The following MOB1B variants were observed in gnomAD, a reference collection of about 807,000 sequenced individuals.
The protein encoded by MOB1B is MOB1 Mps One Binder homolog B.
MOB1B carries 19 observed loss-of-function variants against 24.4 expected under a neutral mutation model. The ratio of observed to expected loss-of-function variants is 0.78; its 90% CI spans 0.54 to 1.14. The LOEUF (loss-of-function observed/expected upper bound fraction) is 1.14. Ranked by LOEUF, MOB1B falls within the 50% of genes most tolerant of loss-of-function variation. The probability of loss-of-function intolerance (pLI) is 0.00; values close to 1 mark genes in which losing one functional copy is unlikely to be tolerated. For missense variants in MOB1B, 243 were observed against 259.6 expected, an observed-to-expected ratio of 0.94 and a Z score of 0.44; for synonymous variants, 76 against 82.1, an observed-to-expected ratio of 0.93 and a Z score of 0.40.
intron 1 of MOB1B, among the ~76,000 whole-genome samples, chr4:70,934,854 A>G (rs1403052277): frequency 2.0e-5 from 3 of 151,972 alleles, no homozygotes; most frequent in Non-Finnish European, 4.4e-5. Context: ...TTTATCCTCA[A>G]ATACTCCCCC....
chr4:70,957,043 A>G (rs1302619765), intron 1 of MOB1B, among the ~76,000 whole-genome samples: 1 of 150,442 alleles, frequency 6.6e-6, no homozygotes, highest in Admixed American at 6.6e-5. Flanking sequence ...TGTAAAGTTG[A>G]GAGGAGGTAG....
chr4:70,915,057 G>A (rs568743161), intron 1 of MOB1B, among the ~76,000 whole-genome samples: 198 of 152,306 alleles, frequency 1.3e-3, no homozygotes, highest in African/African-American at 4.6e-3. Context: ...ACTTATGTGC[G>A]ACAGTGATAC....
At chr4:70,977,323 T>A (rs1739046521) in intron 4 of MOB1B, among the ~76,000 whole-genome samples, 1 of 152,174 alleles carries the variant, frequency 6.6e-6, no homozygotes, top group South Asian at 2.1e-4. Context: ...ATTTTATAGA[T>A]TGTCTTTTCA....
At chr4:70,956,516 G>T (rs905979071) in intron 1 of MOB1B, among the ~76,000 whole-genome samples, 2 of 152,078 alleles carry the variant, frequency 1.3e-5, no homozygotes, top group African/African-American at 4.8e-5. Context: ...CTGTAGCCTT[G>T]ACTTCCTGGG....
At chr4:70,937,749 C>T (rs1183867813) in intron 1 of MOB1B, among the ~76,000 whole-genome samples, 3 of 152,076 alleles carry the variant, frequency 2.0e-5, no homozygotes, top group African/African-American at 4.8e-5. Flanking sequence ...TGGTCTTGAA[C>T]TCCTGACCTC....
rs1739228189 is a variant in MOB1B, at chr4:70,982,013, C to T, written c.607C>T (p.Pro203Ser). 6.2e-7 allele frequency: 1 copy of T among 1,612,380 alleles called. No individual in the cohort carries two copies. Among genetic ancestry groups the T allele is most frequent in the Non-Finnish European group, 8.5e-7 (1 of 1,178,758 alleles). ...FNLIDRRELA[P>S]LQELIEKLTS... ...CCTTATTGATAGAAGAGAACTTGCA[C>T]CACTCCAAGAACTGATTGAAAAACT... Residue 203 changes from proline (P) to serine (S), a missense_variant, in exon 6 of 6, where the codon CCA becomes TCA. Physicochemically the swap from Pro to Ser is moderately conservative, Grantham distance 74 (BLOSUM62 -1). Coordinates refer to ENST00000309395, the MANE Select transcript of MOB1B (RefSeq NM_173468.4).
At chr4:70,908,662 C>G (rs948693799) in intron 1 of MOB1B, among the ~76,000 whole-genome samples, 1 of 151,086 alleles carries the variant, frequency 6.6e-6, no homozygotes, top group African/African-American at 2.4e-5. Context: ...GTAGTCCCAG[C>G]TACTCGGGAG....
chr4:70,939,485 C>T (rs1044847277), intron 1 of MOB1B, among the ~76,000 whole-genome samples: 8 of 152,184 alleles, frequency 5.3e-5, no homozygotes, highest in Non-Finnish European at 1.2e-4. Context: ...GAGTTCAAGA[C>T]CAGCCTGGCC....
At chr4:70,905,214 A>G (rs1365023307) in intron 1 of MOB1B, among the ~76,000 whole-genome samples, 2 of 151,572 alleles carry the variant, frequency 1.3e-5, no homozygotes, top group Admixed American at 6.6e-5. Flanking sequence ...TCTATTTGTT[A>G]TTTGGTATAA....
chr4:70,977,302 G>T (rs1032709962), intron 4 of MOB1B, among the ~76,000 whole-genome samples: 6 of 152,072 alleles, frequency 3.9e-5, no homozygotes, highest in African/African-American at 7.2e-5. Context: ...TATTGTTGAG[G>T]AGTGCATATT....
chr4:70,954,278 A>G (rs1737939119), intron 1 of MOB1B, among the ~76,000 whole-genome samples: 1 of 152,236 alleles, frequency 6.6e-6, no homozygotes, highest in East Asian at 1.9e-4. Flanking sequence ...ATATCCTCTC[A>G]TTTTGCCACT....
At chr4:70,926,861 G>A (rs991488109) in intron 1 of MOB1B, among the ~76,000 whole-genome samples, 4 of 152,030 alleles carry the variant, frequency 2.6e-5, no homozygotes, top group Admixed American at 1.3e-4. Flanking sequence ...GCCGGGCGTG[G>A]TGGTGGGCGC....
intron 1 of MOB1B, among the ~76,000 whole-genome samples, chr4:70,908,386 A>G (rs1487037545): frequency 6.7e-6 from 1 of 148,462 alleles, no homozygotes; most frequent in African/African-American, 2.5e-5. Flanking sequence ...GTATTTCTGT[A>G]TAGGAAGAAA....
intron 1 of MOB1B, among the ~76,000 whole-genome samples, chr4:70,949,500 G>T (rs780946271): frequency 4.6e-5 from 7 of 152,182 alleles, no homozygotes; most frequent in Non-Finnish European, 7.3e-5. Flanking sequence ...AAGCCAAATG[G>T]CAACATTTGG....
chr4:70,902,793 G>T (rs917154287), intron 1 of MOB1B, among the ~76,000 whole-genome samples: 3 of 152,120 alleles, frequency 2.0e-5, no homozygotes, highest in Admixed American at 1.3e-4. Context: ...CTTCCCCCCC[G>T]GCACACCCCG....
rs563007432 is a variant in MOB1B, at chr4:70,968,941, A to G, written c.182-990A>G. Among the ~76,000 whole-genome samples the G allele has an allele frequency of 5.3e-4, 81 of 152,176 alleles. 1 individual carries two copies. Among genetic ancestry groups the G allele is most frequent in the South Asian group, 1.5e-3 (7 of 4,824 alleles). On this transcript the variant is annotated intron_variant, in intron 2 of 5. Coordinates refer to ENST00000309395, the MANE Select transcript of MOB1B (RefSeq NM_173468.4). ...GCCTGGCCAGGTTTTATTTTTTCCC[A>G]TAGCAATAACCAGTTGATTCAGAAA...
In MOB1B at chr4:70,923,392, G is replaced by A. The variant is rs774330825; in HGVS notation, c.14+20842G>A. Among the ~76,000 whole-genome samples, 11 of 152,072 alleles carry A rather than the reference G, an allele frequency of 7.2e-5. No homozygotes were observed. The South Asian group carries it at 8.3e-4, about 11-fold the overall frequency. On this transcript the variant is annotated intron_variant, in intron 1 of 5. Coordinates refer to ENST00000309395, the MANE Select transcript of MOB1B (RefSeq NM_173468.4). ...GCACCGGTGCCACATGCGTAGAGAC[G>A]AAGTTTTGCCATGTTTCCCAGGCTG...
At chr4:70,971,377 C>T (rs1738744353) in intron 3 of MOB1B, among the ~76,000 whole-genome samples, 1 of 151,694 alleles carries the variant, frequency 6.6e-6, no homozygotes, top group East Asian at 1.9e-4. Context: ...TGGTGGTGTG[C>T]ATCTGTAATC....
At chr4:70,917,619 A>G (rs533462344) in intron 1 of MOB1B, among the ~76,000 whole-genome samples, 50 of 152,308 alleles carry the variant, frequency 3.3e-4, no homozygotes, top group African/African-American at 1.2e-3. Context: ...TTCTCAGAAG[A>G]TCCAAACCAT....
Sources: gnomAD v4.1 joint callset for allele counts (sites outside exome capture counted in the v4.1 genomes callset) on GRCh38, gnomAD v4.1.1 for gene constraint, MANE v1.5 for transcripts, NCBI Gene and HGNC (gene_info 2026-07-23, HGNC 2026-07-21) for gene names.